Variants in SHISA9 observed in about 807,000 individuals in gnomAD.
SHISA9 encodes protein shisa-9.
In SHISA9, 13 loss-of-function variants were observed where a neutral mutation model predicts 38.0. That is an observed-to-expected ratio of 0.34 (90% CI 0.22 to 0.54). The LOEUF is 0.54. SHISA9 is among the 20% of genes least tolerant of loss of function. SHISA9 has a pLI of 0.91. For synonymous variants in SHISA9, 275 were observed against 242.0 expected, an observed-to-expected ratio of 1.14 and a Z score of -1.27; for missense variants, 538 against 575.8, an observed-to-expected ratio of 0.93 and a Z score of 0.67.
chr16:13,013,636 T>G (rs774859708), intron 2 of SHISA9, among the ~76,000 whole-genome samples: 13 of 152,196 alleles, frequency 8.5e-5, no homozygotes, highest in Admixed American at 3.9e-4. Context: ...TTTTCACCCA[T>G]GAGGCATCAC....
the SHISA9 span, among the ~76,000 whole-genome samples, chr16:13,485,001 C>A: frequency 6.6e-6 from 1 of 151,856 alleles, no homozygotes; most frequent in East Asian, 1.9e-4. Flanking sequence ...TCAAGTGATG[C>A]TGCAGTAACA....
chr16:13,170,063 C>T (rs947221999), intron 2 of SHISA9, among the ~76,000 whole-genome samples: 12 of 151,832 alleles, frequency 7.9e-5, no homozygotes, highest in African/African-American at 2.7e-4. Context: ...ATTAGCCAAG[C>T]GTGTTGGTGT....
At chr16:13,320,913 C>G in the SHISA9 span, among the ~76,000 whole-genome samples, 1 of 152,172 alleles carries the variant, frequency 6.6e-6, no homozygotes, top group East Asian at 1.9e-4. Flanking sequence ...CTTTGATCTA[C>G]TAGTCTGGTG....
intron 2 of SHISA9, among the ~76,000 whole-genome samples, chr16:13,113,778 A>G (rs1482295299): frequency 2.0e-5 from 3 of 152,190 alleles, no homozygotes; most frequent in Non-Finnish European, 4.4e-5. Flanking sequence ...GGATGAACAC[A>G]ATAGAAACTA....
At chr16:13,443,707 C>T in the SHISA9 span, among the ~76,000 whole-genome samples, 73,474 of 151,998 alleles carry the variant, frequency 0.48, 18,629 homozygotes, top group African/African-American at 0.62. Flanking sequence ...CCTTGTTCTG[C>T]GACTTCTATG....
At chr16:12,960,220 TC>T (rs1297387638) in intron 2 of SHISA9, among the ~76,000 whole-genome samples, 1 of 152,196 alleles carries the variant, frequency 6.6e-6, no homozygotes, top group East Asian at 1.9e-4. Context: ...TCATTCTTTT[TC>T]CCTCCGTCAC....
chr16:13,262,548 T>C, the SHISA9 span, among the ~76,000 whole-genome samples: 2 of 152,074 alleles, frequency 1.3e-5, no homozygotes, highest in African/African-American at 2.4e-5. Flanking sequence ...TTTATTTACT[T>C]TTTCAACTTG....
At chr16:13,390,648 A>T in the SHISA9 span, among the ~76,000 whole-genome samples, 1 of 152,118 alleles carries the variant, frequency 6.6e-6, no homozygotes, top group Non-Finnish European at 1.5e-5. Flanking sequence ...ATCTGTCAAC[A>T]TGCTTAGAAG....
intron 4 of SHISA9, among the ~76,000 whole-genome samples, chr16:13,216,058 G>A (rs190851566): frequency 9.2e-4 from 140 of 152,094 alleles, no homozygotes; most frequent in African/African-American, 2.9e-3. Flanking sequence ...GTGGTGGCAC[G>A]TGCCTGTAGT....
At chr16:12,961,661 A>T (rs2071913930) in intron 2 of SHISA9, among the ~76,000 whole-genome samples, 1 of 152,182 alleles carries the variant, frequency 6.6e-6, no homozygotes, top group Non-Finnish European at 1.5e-5. Context: ...CAGTGACCGC[A>T]TCATATATTA....
intron 2 of SHISA9, among the ~76,000 whole-genome samples, chr16:13,019,968 T>TTTCC (rs750335000): frequency 0.08 from 3,475 of 43,214 alleles, 384 homozygotes; most frequent in Middle Eastern, 0.086. Flanking sequence ...TCCCTCCTTC[T>TTTCC]TTCCTTCCTT....
chr16:13,171,151 C>T (rs1363155414), intron 2 of SHISA9, among the ~76,000 whole-genome samples: 1 of 152,034 alleles, frequency 6.6e-6, no homozygotes, highest in Non-Finnish European at 1.5e-5. Flanking sequence ...AAGAGAGAGA[C>T]AGCAAAGATC....
chr16:13,071,563 TCCTTCCTCCCTTCCTC>T (rs750883919), intron 2 of SHISA9, among the ~76,000 whole-genome samples: 2 of 138,194 alleles, frequency 1.4e-5, no homozygotes, highest in Admixed American at 7.0e-5. Flanking sequence ...CCTTTTTCCT[TCCTTCCTCCCTTCCTC>T]CCTTCCTTCC....
At chr16:13,278,240 C>G in the SHISA9 span, among the ~76,000 whole-genome samples, 1 of 152,090 alleles carries the variant, frequency 6.6e-6, no homozygotes, top group Non-Finnish European at 1.5e-5. Flanking sequence ...GTATGTTAAA[C>G]TATCCCTGCA....
At chr16:13,499,149 A>G in the SHISA9 span, among the ~76,000 whole-genome samples, 20 of 152,282 alleles carry the variant, frequency 1.3e-4, no homozygotes, top group African/African-American at 4.1e-4. Flanking sequence ...GTAGAAACCA[A>G]TCAGTAACCA....
At chr16:13,225,963 T>A (rs2051275217) in intron 4 of SHISA9, among the ~76,000 whole-genome samples, 2 of 152,238 alleles carry the variant, frequency 1.3e-5, no homozygotes, top group South Asian at 4.1e-4. Flanking sequence ...GCCAGTGTTG[T>A]TGAAAGGCTC....
chr16:13,232,905 A>G (rs990612566), intron 4 of SHISA9, among the ~76,000 whole-genome samples: 5 of 152,206 alleles, frequency 3.3e-5, no homozygotes, highest in African/African-American at 1.2e-4. Flanking sequence ...AAAAGGTGCT[A>G]GACTCTCAGT....
the SHISA9 span, among the ~76,000 whole-genome samples, chr16:13,309,579 G>T: frequency 2.0e-5 from 3 of 149,256 alleles, no homozygotes; most frequent in African/African-American, 7.4e-5. Context: ...GGAGGTGGAG[G>T]TTGCAGTGAG....
At chr16:13,003,882 A>AT (rs1475683323) in intron 2 of SHISA9, among the ~76,000 whole-genome samples, 1 of 149,304 alleles carries the variant, frequency 6.7e-6, no homozygotes, top group Non-Finnish European at 1.5e-5. Flanking sequence ...AATAATAATA[A>AT]TAATAATAAG....
Sources: allele counts gnomAD v4.1 joint callset (sites outside exome capture counted in the v4.1 genomes callset), GRCh38; gene constraint gnomAD v4.1.1; transcripts MANE v1.5; gene names NCBI Gene and HGNC (gene_info 2026-07-23, HGNC 2026-07-21).